VTCN1: variants seen among roughly 807,000 people sequenced by gnomAD.
The protein encoded by VTCN1 is V-set domain containing T cell activation inhibitor 1.
A neutral mutation model predicts 26.5 loss-of-function variants in VTCN1; 26 were observed. That is an observed-to-expected ratio of 0.98 (90% CI 0.72 to 1.36). The LOEUF is 1.36. VTCN1 is among the 40% of genes most tolerant of loss of function. The pLI, the probability that VTCN1 is intolerant of heterozygous loss-of-function variation, is 0.00. For missense variants in VTCN1, 298 were observed against 337.7 expected, an observed-to-expected ratio of 0.88 and a Z score of 0.92; for synonymous variants, 116 against 130.7, an observed-to-expected ratio of 0.89 and a Z score of 0.77.
intron 4 of VTCN1, among the ~76,000 whole-genome samples, chr1:117,149,136 A>T (rs1651662894): frequency 6.6e-6 from 1 of 152,130 alleles, no homozygotes; most frequent in Non-Finnish European, 1.5e-5. Context: ...AAATATATGG[A>T]GTAAGGGTGT....
chr1:117,163,551 A>G (rs1197502331), intron 2 of VTCN1, among the ~76,000 whole-genome samples: 1 of 152,220 alleles, frequency 6.6e-6, no homozygotes, highest in Non-Finnish European at 1.5e-5. Context: ...GTTTGCTTAC[A>G]GAGACTCATT....
chr1:117,198,255 G>C (rs1307860229), intron 1 of VTCN1, among the ~76,000 whole-genome samples: 1 of 152,142 alleles, frequency 6.6e-6, no homozygotes, highest in African/African-American at 2.4e-5. Flanking sequence ...ATGTCAAAAT[G>C]CCTACTCACT....
chr1:117,207,197 C>T (rs1447670530), intron 1 of VTCN1, among the ~76,000 whole-genome samples: 1 of 152,174 alleles, frequency 6.6e-6, no homozygotes, highest in Admixed American at 6.5e-5. Context: ...CCCAGGATCC[C>T]TCATTCTCTA....
chr1:117,165,021 T>C (rs920078180), intron 2 of VTCN1, among the ~76,000 whole-genome samples: 7 of 152,238 alleles, frequency 4.6e-5, no homozygotes, highest in African/African-American at 9.6e-5. Flanking sequence ...TCTTTCTGTA[T>C]TGGGGAAAAG....
intron 2 of VTCN1, among the ~76,000 whole-genome samples, chr1:117,165,864 G>A (rs939830693): frequency 6.6e-6 from 1 of 152,004 alleles, no homozygotes; most frequent in Non-Finnish European, 1.5e-5. Context: ...ATATTTTATT[G>A]AATTCATTTA....
At chr1:117,190,120 G>A (rs1185191202) in intron 1 of VTCN1, among the ~76,000 whole-genome samples, 1 of 152,232 alleles carries the variant, frequency 6.6e-6, no homozygotes, top group Non-Finnish European at 1.5e-5. Context: ...TTGGACTGCA[G>A]ATCAGCCTAT....
chr1:117,149,924 C>T (rs1029970668), intron 4 of VTCN1, among the ~76,000 whole-genome samples: 12 of 152,294 alleles, frequency 7.9e-5, no homozygotes, highest in East Asian at 1.9e-4. Context: ...CCTGACACTT[C>T]GAACACTTGT....
At chr1:117,191,324 G>A (rs1456333830) in intron 1 of VTCN1, among the ~76,000 whole-genome samples, 1 of 152,194 alleles carries the variant, frequency 6.6e-6, no homozygotes, top group Non-Finnish European at 1.5e-5. Flanking sequence ...AGTCTTAGAA[G>A]GAGAAGCAAG....
chr1:117,201,675 C>A (rs1419169715), intron 1 of VTCN1, among the ~76,000 whole-genome samples: 2 of 152,204 alleles, frequency 1.3e-5, no homozygotes, highest in Non-Finnish European at 2.9e-5. Flanking sequence ...AAGGTGACCA[C>A]TGTGGGATGG....
chr1:117,193,409 T>G (rs895191639), intron 1 of VTCN1, among the ~76,000 whole-genome samples: 1 of 152,186 alleles, frequency 6.6e-6, no homozygotes, highest in African/African-American at 2.4e-5. Flanking sequence ...TGGAAAGATA[T>G]TCCACGCAAA....
At chr1:117,202,840 C>G (rs1321585424) in intron 1 of VTCN1, among the ~76,000 whole-genome samples, 1 of 152,150 alleles carries the variant, frequency 6.6e-6, no homozygotes, top group Non-Finnish European at 1.5e-5. Context: ...AGGATGAACA[C>G]TCACTCCAGA....
intron 1 of VTCN1, among the ~76,000 whole-genome samples, chr1:117,196,293 T>C (rs184162332): frequency 1.3e-5 from 2 of 152,100 alleles, no homozygotes; most frequent in South Asian, 2.1e-4. Flanking sequence ...AAAATCATAT[T>C]ATAGAAGAAG....
intron 1 of VTCN1, among the ~76,000 whole-genome samples, chr1:117,206,783 A>G (rs536275972): frequency 3.1e-4 from 47 of 152,312 alleles, no homozygotes; most frequent in African/African-American, 1.1e-3. Context: ...AATGACTAGC[A>G]TTGCAACAGG....
At chr1:117,196,389 C>CATAT (rs751834042) in intron 1 of VTCN1, among the ~76,000 whole-genome samples, 1 of 148,242 alleles carries the variant, frequency 6.7e-6, no homozygotes, top group Non-Finnish European at 1.5e-5. Context: ...GTATTAAATA[C>CATAT]ATATATATAT....
chr1:117,185,321 A>G (rs769478675), intron 1 of VTCN1, among the ~76,000 whole-genome samples: 1 of 152,240 alleles, frequency 6.6e-6, no homozygotes. Flanking sequence ...TTTGCCATCT[A>G]GGCAATTTTT....
Position 117,147,824 on chromosome 1 carries a change from C to T in VTCN1, c.725-42G>A. On this transcript the variant is annotated intron_variant, in intron 4 of 5. Coordinates refer to ENST00000369458, the MANE Select transcript of VTCN1 (RefSeq NM_024626.4). This position sits in a 1 kb window ranked among gnomAD's most constrained non-coding sequence, Gnocchi z 4.6. ...AAAGTTTAGGGTCATACAGGAGAAG[C>T]TGGATGTCTTCTTCACATGACTGGT... is the stretch of plus-strand genomic sequence containing the variant. 1.3e-6 allele frequency: 2 copies of T among 1,595,528 alleles called. No homozygotes were observed. The highest frequency in any genetic ancestry group is 1.7e-6 in the Non-Finnish European group (2 of 1,173,100).
rs191634069 is a variant in VTCN1, at chr1:117,146,954, G to A, written c.*45+659C>T. ...GGCAACACAGGGGAAAATGTGATAG[G>A]TAGGGGTTGATAAGAAATTGACATG... On this transcript the variant is annotated intron_variant, in intron 5 of 5. Coordinates refer to ENST00000369458, the MANE Select transcript of VTCN1 (RefSeq NM_024626.4). This position sits in a 1 kb window ranked among gnomAD's most constrained non-coding sequence, Gnocchi z 4.2. Among the ~76,000 whole-genome samples the A allele has an allele frequency of 7.2e-5, 11 of 152,274 alleles. No homozygotes were observed. The East Asian group carries it at 1.9e-3, about 27-fold the overall frequency.
intron 3 of VTCN1, among the ~76,000 whole-genome samples, chr1:117,154,280 T>C (rs1651952700): frequency 6.6e-6 from 1 of 152,200 alleles, no homozygotes; most frequent in African/African-American, 2.4e-5. Context: ...GGGTATATTC[T>C]GTGCCAGTAC....
intron 1 of VTCN1, 146 bp from the exon 2 acceptor site, chr1:117,170,317 A>G (rs1652839868): frequency 1.3e-6 from 1 of 798,128 alleles, no homozygotes; most frequent in African/African-American, 1.7e-5. Context: ...GTTCCTAGAA[A>G]CGGGTACCTT....
Sources: allele counts gnomAD v4.1 joint callset (sites outside exome capture counted in the v4.1 genomes callset), GRCh38; gene constraint gnomAD v4.1.1; non-coding constraint Gnocchi (gnomAD v3.1); transcripts MANE v1.5; gene names NCBI Gene and HGNC (gene_info 2026-07-23, HGNC 2026-07-21).